The following COL25A1 variants were observed in gnomAD, a reference collection of about 807,000 sequenced individuals.
COL25A1 encodes the protein collagen type XXV alpha 1 chain, also known as collagen alpha-1(XXV) chain.
In COL25A1, 103 loss-of-function variants were observed where a neutral mutation model predicts 128.4. The ratio of observed to expected loss-of-function variants is 0.80; its 90% CI spans 0.68 to 0.94. The LOEUF (loss-of-function observed/expected upper bound fraction) is 0.94, where lower values mean the gene tolerates loss of function less well. Among genes scored for constraint, COL25A1 ranks in the 40% least tolerant of loss-of-function variants. The probability of loss-of-function intolerance (pLI) is 0.00; values close to 1 mark genes in which losing one functional copy is unlikely to be tolerated. For synonymous variants in COL25A1, 279 were observed against 277.2 expected, an observed-to-expected ratio of 1.01 and a Z score of -0.06; for missense variants, 745 against 840.0, an observed-to-expected ratio of 0.89 and a Z score of 1.40.
chr4:109,218,365 T>TTG (rs1560887228), intron 3 of COL25A1, among the ~76,000 whole-genome samples: 23 of 128,626 alleles, frequency 1.8e-4, no homozygotes, highest in African/African-American at 7.3e-4. Context: ...GGGTTTTTTT[T>TTG]TTTTTTTTTT....
intron 3 of COL25A1, among the ~76,000 whole-genome samples, chr4:109,293,889 G>T (rs948773845): frequency 9.9e-5 from 15 of 152,070 alleles, no homozygotes; most frequent in African/African-American, 3.4e-4. Flanking sequence ...ATTCCAAAAT[G>T]TAAGTACAAA....
intron 24 of COL25A1, among the ~76,000 whole-genome samples, chr4:108,858,300 C>G (rs1736756735): frequency 6.6e-6 from 1 of 151,936 alleles, no homozygotes; most frequent in Admixed American, 6.6e-5. Context: ...CCAGGAGGCA[C>G]TAGGGAAAGA....
intron 3 of COL25A1, among the ~76,000 whole-genome samples, chr4:109,059,744 A>G (rs1315536633): frequency 2.6e-5 from 4 of 152,238 alleles, no homozygotes; most frequent in South Asian, 2.1e-4. Flanking sequence ...GCTGTTATAT[A>G]TAAGTATTTG....
At chr4:109,019,282 T>C (rs1360387826) in intron 5 of COL25A1, among the ~76,000 whole-genome samples, 7 of 150,966 alleles carry the variant, frequency 4.6e-5, no homozygotes, top group African/African-American at 1.7e-4. Context: ...TTGCAGACAG[T>C]GTGACCTTGT....
In COL25A1 at chr4:108,812,801, T is replaced by A. The variant is rs1578425663; in HGVS notation, c.*1126A>T. ...TTTGGCACAGATTGTCCCAGTAAGC[T>A]CTCCTATATCATCGGGAGAGGCGAT... On this transcript the variant is annotated 3_prime_UTR_variant, in exon 38 of 38. Transcript: ENST00000399132. The A allele has an allele frequency of 6.6e-6, 1 of 152,092 alleles. No individual in the cohort carries two copies. Among genetic ancestry groups the A allele is most frequent in the African/African-American group, 2.4e-5 (1 of 41,408 alleles). The allele number at this position is 152,092 out of a possible 1,614,324, so 9.4% of individuals were successfully genotyped here. A position where few individuals can be genotyped will look rare whatever the true frequency, so the allele number is the denominator to read the frequency against.
chr4:108,986,309 C>T (rs1479675757), intron 6 of COL25A1, among the ~76,000 whole-genome samples: 2 of 152,180 alleles, frequency 1.3e-5, no homozygotes, highest in Non-Finnish European at 2.9e-5. Flanking sequence ...TTGCCATAGA[C>T]AACAATCTTC....
chr4:108,987,843 A>G (rs1002015254), intron 6 of COL25A1, among the ~76,000 whole-genome samples: 3 of 152,218 alleles, frequency 2.0e-5, no homozygotes, highest in African/African-American at 4.8e-5. Flanking sequence ...TATAGCAATC[A>G]TTGATGACTC....
At chr4:108,990,548 T>C (rs1011607870) in intron 6 of COL25A1, among the ~76,000 whole-genome samples, 1 of 151,962 alleles carries the variant, frequency 6.6e-6, no homozygotes, top group Non-Finnish European at 1.5e-5. Context: ...AATATTGAAT[T>C]ATTTATCCCA....
intron 5 of COL25A1, among the ~76,000 whole-genome samples, chr4:109,023,370 G>A (rs78337232): frequency 0.14 from 21,202 of 152,140 alleles, 2,502 homozygotes; most frequent in East Asian, 0.45. Flanking sequence ...ATGCATGAAC[G>A]GCATTTGGAA....
At position 109,133,946 on chromosome 4, in the gene COL25A1, T is replaced by C. The variant is rs559227825; in HGVS notation, c.368-83767A>G. Among the ~76,000 whole-genome samples the C allele has an allele frequency of 7.9e-5, 12 of 152,298 alleles. No individual in the cohort carries two copies. In the South Asian group the frequency reaches 8.3e-4, roughly 11 times the overall value. ...TGATTGAGATTTTCACAAAATTCTA[T>C]GTAAACGCATTGAACACATCCTGGA... is the stretch of plus-strand genomic sequence containing the variant. On this transcript the variant is annotated intron_variant, in intron 3 of 37. Transcript: ENST00000399132.
intron 3 of COL25A1, among the ~76,000 whole-genome samples, chr4:109,100,934 C>A (rs1765833828): frequency 6.6e-6 from 1 of 152,130 alleles, no homozygotes; most frequent in Non-Finnish European, 1.5e-5. Context: ...TGATCTCACC[C>A]AAACTCAGGT....
intron 11 of COL25A1, among the ~76,000 whole-genome samples, chr4:108,924,201 C>T (rs930569801): frequency 1.3e-5 from 2 of 152,142 alleles, no homozygotes; most frequent in African/African-American, 4.8e-5. Context: ...CAAAGAGTCA[C>T]TGAAAAATTC....
intron 10 of COL25A1, among the ~76,000 whole-genome samples, chr4:108,939,476 A>G (rs1747818728): frequency 6.6e-6 from 1 of 152,218 alleles, no homozygotes; most frequent in African/African-American, 2.4e-5. Flanking sequence ...CTATATTCTC[A>G]TAAAGAGTCA....
chr4:109,302,025 C>CG lies in COL25A1; in HGVS notation c.-7dup. The CG allele has an allele frequency of 1.3e-6, 2 of 1,573,548 alleles. No homozygotes were observed. Among genetic ancestry groups the CG allele is most frequent in the Non-Finnish European group, 1.7e-6 (2 of 1,164,012 alleles). On this transcript the variant is annotated 5_prime_UTR_variant, in exon 2 of 38. Transcript: ENST00000399132. ...GCGTGCTTCTTCAGCAGCATCGTGG[C>CG]GGGGTCGGCCGTCTCGGCTTCGCTT... is the stretch of plus-strand genomic sequence containing the variant.
chr4:108,833,907 T>A lies in COL25A1; in HGVS notation c.1657-1474A>T, dbSNP rs144712442. Among the ~76,000 whole-genome samples the A allele has an allele frequency of 4.3e-3, 651 of 152,286 alleles. 8 individuals carry two copies. The highest frequency in any genetic ancestry group is 0.015 in the African/African-American group (616 of 41,548). On this transcript the variant is annotated intron_variant, in intron 31 of 37. Coordinates refer to ENST00000399132, the MANE Select transcript of COL25A1 (RefSeq NM_198721.4). ...TCTATGAACAGAAATTGAAAGTTAGTGCCAAGGAAGAAGTTACATTTGATG... is the reference window on the plus strand; with the variant it reads ...TCTATGAACAGAAATTGAAAGTTAGAGCCAAGGAAGAAGTTACATTTGATG...
At chr4:109,131,996 G>C (rs1769262501) in intron 3 of COL25A1, among the ~76,000 whole-genome samples, 2 of 152,182 alleles carry the variant, frequency 1.3e-5, no homozygotes. Context: ...GGGCCCCTCA[G>C]TAACTTCATC....
intron 19 of COL25A1, among the ~76,000 whole-genome samples, chr4:108,875,780 C>G (rs1395516754): frequency 2.0e-5 from 3 of 152,162 alleles, no homozygotes; most frequent in African/African-American, 4.8e-5. Context: ...TATTGTGGCA[C>G]TATTCACAAT....
chr4:108,985,648 T>A (rs1426139292), intron 6 of COL25A1, among the ~76,000 whole-genome samples: 1 of 152,238 alleles, frequency 6.6e-6, no homozygotes, highest in Admixed American at 6.5e-5. Context: ...AGAGGAGTTA[T>A]CTCTGGTGAA....
At chr4:108,912,411 G>T (rs535079739) in intron 13 of COL25A1, among the ~76,000 whole-genome samples, 10 of 152,106 alleles carry the variant, frequency 6.6e-5, no homozygotes, top group South Asian at 4.1e-4. Context: ...AGATTGAATG[G>T]TTGTAAGATA....
Sources: gnomAD v4.1 joint callset for allele counts (sites outside exome capture counted in the v4.1 genomes callset) on GRCh38, gnomAD v4.1.1 for gene constraint, MANE v1.5 for transcripts, NCBI Gene and HGNC (gene_info 2026-07-23, HGNC 2026-07-21) for gene names.